Variants in CFAP299 observed in about 807,000 individuals in gnomAD.
The protein encoded by CFAP299 is cilia and flagella associated protein 299.
In CFAP299, 21 loss-of-function variants were observed where a neutral mutation model predicts 27.0. The ratio of observed to expected loss-of-function variants is 0.78; its 90% CI spans 0.55 to 1.12. CFAP299 has a LOEUF of 1.12. CFAP299 is among the 50% of genes most tolerant of loss of function. The pLI is 0.00. For missense variants in CFAP299, 310 were observed against 276.6 expected, an observed-to-expected ratio of 1.12 and a Z score of -0.86; for synonymous variants, 104 against 98.1, an observed-to-expected ratio of 1.06 and a Z score of -0.36.
chr4:80,472,100 T>C (rs185820443), intron 2 of CFAP299, among the ~76,000 whole-genome samples: 3 of 152,358 alleles, frequency 2.0e-5, no homozygotes, highest in East Asian at 3.9e-4. Flanking sequence ...GAGTATGTCT[T>C]GTAAATACTG....
intron 2 of CFAP299, among the ~76,000 whole-genome samples, chr4:80,470,061 A>G (rs549940895): frequency 1.3e-5 from 2 of 152,268 alleles, no homozygotes; most frequent in African/African-American, 4.8e-5. Context: ...GTCATCAGCT[A>G]TCTCATTCTC....
At chr4:80,368,818 A>G (rs1313513930) in intron 2 of CFAP299, among the ~76,000 whole-genome samples, 1 of 152,190 alleles carries the variant, frequency 6.6e-6, no homozygotes, top group Non-Finnish European at 1.5e-5. Context: ...CTTTTTGCTT[A>G]GTATCATATT....
chr4:80,536,030 A>G (rs1306032284), intron 2 of CFAP299, among the ~76,000 whole-genome samples: 1 of 152,196 alleles, frequency 6.6e-6, no homozygotes, highest in Non-Finnish European at 1.5e-5. Flanking sequence ...AAAGAGGTGA[A>G]GACTAAGGAG....
chr4:80,838,020 A>G (rs957551182), intron 3 of CFAP299, among the ~76,000 whole-genome samples: 1 of 152,178 alleles, frequency 6.6e-6, no homozygotes, highest in Non-Finnish European at 1.5e-5. Flanking sequence ...TCTAATGACC[A>G]GTGATGATTA....
intron 2 of CFAP299, among the ~76,000 whole-genome samples, chr4:80,428,821 G>T (rs1275844706): frequency 6.6e-6 from 1 of 152,118 alleles, no homozygotes; most frequent in African/African-American, 2.4e-5. Context: ...TTACAGGCGT[G>T]AGCCACCACA....
intron 2 of CFAP299, among the ~76,000 whole-genome samples, chr4:80,500,964 T>C (rs1731711644): frequency 6.6e-6 from 1 of 152,152 alleles, no homozygotes; most frequent in African/African-American, 2.4e-5. Flanking sequence ...AAGGTGATCT[T>C]ATTTACTTAA....
chr4:80,800,538 TATATAATATATCA>T lies in CFAP299; in HGVS notation c.334-69449_334-69437del, dbSNP rs1728471291. 1.8e-4 allele frequency among the ~76,000 whole-genome samples: 7 copies of T among 38,268 alleles called. 1 individual carries two copies. The highest frequency in any genetic ancestry group is 2.3e-4 in the Non-Finnish European group (6 of 26,076). 25.1% of individuals were successfully genotyped at this position (38,268 alleles called of 152,430 possible). On this transcript the variant is annotated intron_variant, in intron 3 of 5. Coordinates refer to ENST00000358105, the MANE Select transcript of CFAP299 (RefSeq NM_152770.3). ...ATATAATATATAATATATTATATAATATATAATATATCAATATATTATATAATATATTAATATA... is the reference window on the plus strand; with the variant it reads ...ATATAATATATAATATATTATATAATATATATTATATAATATATTAATATA...
intron 3 of CFAP299, among the ~76,000 whole-genome samples, chr4:80,757,232 T>TA (rs1560736024): frequency 6.6e-6 from 1 of 152,044 alleles, no homozygotes; most frequent in Non-Finnish European, 1.5e-5. Context: ...TTTCTTTTTT[T>TA]AAAAAAACAA....
chr4:80,686,924 C>A (rs1720234748), intron 3 of CFAP299, among the ~76,000 whole-genome samples: 1 of 152,186 alleles, frequency 6.6e-6, no homozygotes, highest in Non-Finnish European at 1.5e-5. Flanking sequence ...ATTCCTATAG[C>A]TTTCAAATTA....
intron 2 of CFAP299, among the ~76,000 whole-genome samples, chr4:80,508,878 A>G (rs1263394140): frequency 6.6e-6 from 1 of 152,286 alleles, no homozygotes; most frequent in Admixed American, 6.5e-5. Context: ...TTTCAGGTGT[A>G]TTGTGGAACA....
chr4:80,712,129 A>G (rs1722211247), intron 3 of CFAP299, among the ~76,000 whole-genome samples: 1 of 152,130 alleles, frequency 6.6e-6, no homozygotes, highest in Non-Finnish European at 1.5e-5. Context: ...CATGGTTATG[A>G]GGTAAACTTC....
chr4:80,550,083 T>A (rs1020664458), intron 2 of CFAP299, among the ~76,000 whole-genome samples: 2 of 151,936 alleles, frequency 1.3e-5, no homozygotes, highest in Non-Finnish European at 2.9e-5. Context: ...CTAATATTTT[T>A]AATATTTAAA....
chr4:80,758,447 G>C (rs926226640), intron 3 of CFAP299, among the ~76,000 whole-genome samples: 31 of 152,206 alleles, frequency 2.0e-4, no homozygotes, highest in African/African-American at 7.5e-4. Flanking sequence ...GGCATAGGAT[G>C]GGGGGAAGGG....
chr4:80,459,425 A>G (rs1292842119), intron 2 of CFAP299, among the ~76,000 whole-genome samples: 2 of 152,142 alleles, frequency 1.3e-5, no homozygotes, highest in Non-Finnish European at 2.9e-5. Flanking sequence ...CCTCACATCA[A>G]AGGTCAAACA....
At chr4:80,883,468 T>C (rs950329805) in intron 4 of CFAP299, among the ~76,000 whole-genome samples, 3 of 152,110 alleles carry the variant, frequency 2.0e-5, no homozygotes, top group Admixed American at 1.3e-4. Flanking sequence ...AATAGTTAAA[T>C]TTCCCAATCA....
At chr4:80,402,515 C>T (rs1358672453) in intron 2 of CFAP299, among the ~76,000 whole-genome samples, 1 of 152,136 alleles carries the variant, frequency 6.6e-6, no homozygotes, top group African/African-American at 2.4e-5. Context: ...CCTTTCGTCT[C>T]CCACCATGAT....
intron 2 of CFAP299, among the ~76,000 whole-genome samples, chr4:80,443,434 T>C (rs1728463443): frequency 6.6e-6 from 1 of 152,174 alleles, no homozygotes; most frequent in Non-Finnish European, 1.5e-5. Flanking sequence ...AAAAACCACA[T>C]GATTATCTCA....
At chr4:80,944,774 T>C (rs761876765) in intron 4 of CFAP299, 36 bp from the exon 5 acceptor site, 3 of 1,486,522 alleles carry the variant, frequency 2.0e-6, no homozygotes, top group Non-Finnish European at 1.8e-6. Context: ...TAATGCATTA[T>C]ACATCTTAAT....
chr4:80,600,277 C>T (rs1737265969), intron 3 of CFAP299, among the ~76,000 whole-genome samples: 1 of 152,062 alleles, frequency 6.6e-6, no homozygotes. Context: ...ATAACTAGTC[C>T]AAAGAAAATT....
Sources: gnomAD v4.1 joint callset for allele counts (sites outside exome capture counted in the v4.1 genomes callset) on GRCh38, gnomAD v4.1.1 for gene constraint, MANE v1.5 for transcripts, NCBI Gene and HGNC (gene_info 2026-07-23, HGNC 2026-07-21) for gene names.